The following QTMAN variants were observed in gnomAD, a reference collection of about 807,000 sequenced individuals.
QTMAN encodes the protein tRNA-queuosine alpha-mannosyltransferase.
the QTMAN span, among the ~76,000 whole-genome samples, chr2:144,270,261 T>A: frequency 6.6e-6 from 1 of 152,176 alleles, no homozygotes; most frequent in East Asian, 1.9e-4. Flanking sequence ...TCCTCAAGGA[T>A]CTAGAACCAG....
At chr2:144,332,262 T>G in the QTMAN span, among the ~76,000 whole-genome samples, 1 of 150,966 alleles carries the variant, frequency 6.6e-6, no homozygotes, top group East Asian at 2.0e-4. Context: ...GGCTCTCAGC[T>G]CCGCCTCCCC....
chr2:144,122,192 T>C, the QTMAN span, among the ~76,000 whole-genome samples: 1 of 152,094 alleles, frequency 6.6e-6, no homozygotes, highest in Non-Finnish European at 1.5e-5. Context: ...CCATTTAGCT[T>C]GGAAAGACAA....
At chr2:144,067,776 G>A in the QTMAN span, among the ~76,000 whole-genome samples, 3 of 152,174 alleles carry the variant, frequency 2.0e-5, no homozygotes, top group African/African-American at 7.2e-5. Flanking sequence ...TAACCTTCTG[G>A]TAAAACCAAT....
the QTMAN span, among the ~76,000 whole-genome samples, chr2:144,191,459 G>C: frequency 6.6e-6 from 1 of 152,156 alleles, no homozygotes; most frequent in Non-Finnish European, 1.5e-5. Context: ...AGCAATTGCT[G>C]AATAATGGAG....
chr2:144,230,561 A>G, the QTMAN span, among the ~76,000 whole-genome samples: 13 of 152,086 alleles, frequency 8.5e-5, no homozygotes. Flanking sequence ...TTTAGAAGGA[A>G]AAAAAAACAC....
the QTMAN span, among the ~76,000 whole-genome samples, chr2:144,181,544 G>A: frequency 6.6e-6 from 1 of 152,156 alleles, no homozygotes; most frequent in Admixed American, 6.6e-5. Context: ...CAGGCATGGT[G>A]TCTCATGCCT....
the QTMAN span, among the ~76,000 whole-genome samples, chr2:144,133,381 A>C: frequency 2.0e-5 from 1 of 51,066 alleles, no homozygotes; most frequent in Non-Finnish European, 3.5e-5. Flanking sequence ...TATAATAATA[A>C]TATAATATAT....
the QTMAN span, among the ~76,000 whole-genome samples, chr2:144,308,939 C>T: frequency 6.6e-6 from 1 of 151,990 alleles, no homozygotes; most frequent in African/African-American, 2.4e-5. Context: ...AGAAACAATC[C>T]AACGTTTTTT....
At chr2:144,169,516 AT>A in the QTMAN span, among the ~76,000 whole-genome samples, 1 of 152,062 alleles carries the variant, frequency 6.6e-6, no homozygotes, top group Admixed American at 6.6e-5. Context: ...CCTCTTATGG[AT>A]CATGGATTTA....
chr2:144,010,062 C>CAAAAAAAAAAAAAA, the QTMAN span, among the ~76,000 whole-genome samples: 2 of 74,878 alleles, frequency 2.7e-5, no homozygotes, highest in African/African-American at 4.6e-5. Context: ...AAGGATTCAC[C>CAAAAAAAAAAAAAA]AAAAAAAAAA....
the QTMAN span, among the ~76,000 whole-genome samples, chr2:144,041,382 C>T: frequency 1.3e-5 from 2 of 152,092 alleles, no homozygotes; most frequent in African/African-American, 2.4e-5. Context: ...GTTTAAAGGC[C>T]AATCCTCTTC....
At chr2:144,026,354 G>C in the QTMAN span, among the ~76,000 whole-genome samples, 1 of 152,132 alleles carries the variant, frequency 6.6e-6, no homozygotes, top group African/African-American at 2.4e-5. Context: ...AGAATCGCTT[G>C]AACCCAGGAG....
chr2:144,323,123 T>C, the QTMAN span, among the ~76,000 whole-genome samples: 1 of 152,188 alleles, frequency 6.6e-6, no homozygotes, highest in African/African-American at 2.4e-5. Context: ...TAAGTCTAAA[T>C]AGTCACAGTT....
At chr2:144,003,844 A>G in the QTMAN span, among the ~76,000 whole-genome samples, 11 of 152,078 alleles carry the variant, frequency 7.2e-5, no homozygotes, top group Non-Finnish European at 1.2e-4. Flanking sequence ...GGCTGACACT[A>G]TATTTTAGAC....
chr2:144,094,134 C>T, the QTMAN span, among the ~76,000 whole-genome samples: 21 of 152,132 alleles, frequency 1.4e-4, no homozygotes, highest in East Asian at 2.5e-3. Flanking sequence ...CAATAAACTG[C>T]GCATTAAATG....
the QTMAN span, among the ~76,000 whole-genome samples, chr2:144,304,532 C>T: frequency 9.2e-5 from 14 of 152,228 alleles, no homozygotes; most frequent in African/African-American, 3.4e-4. Context: ...CCAGAAATAA[C>T]AGATATGATG....
At chr2:144,076,028 C>A in the QTMAN span, among the ~76,000 whole-genome samples, 2 of 152,198 alleles carry the variant, frequency 1.3e-5, no homozygotes, top group Admixed American at 1.3e-4. Flanking sequence ...GCGGGTGGAT[C>A]ACGAGGTCAG....
chr2:144,293,725 T>C, the QTMAN span, among the ~76,000 whole-genome samples: 6 of 152,198 alleles, frequency 3.9e-5, no homozygotes, highest in African/African-American at 1.4e-4. Flanking sequence ...TATTTTAAAA[T>C]ACATAATCAA....
chr2:144,135,360 T>C, the QTMAN span, among the ~76,000 whole-genome samples: 24 of 152,072 alleles, frequency 1.6e-4, no homozygotes, highest in Non-Finnish European at 3.1e-4. Context: ...ATAAGCTAAG[T>C]TGTGAGGCAA....
Sources: gnomAD v4.1 joint callset for allele counts (sites outside exome capture counted in the v4.1 genomes callset) on GRCh38, gnomAD v4.1.1 for gene constraint, MANE v1.5 for transcripts, NCBI Gene and HGNC (gene_info 2026-07-23, HGNC 2026-07-21) for gene names.